MUC13: variants seen among roughly 807,000 people sequenced by gnomAD.
MUC13 encodes mucin-13.
A neutral mutation model predicts 48.3 loss-of-function variants in MUC13; 32 were observed. That is an observed-to-expected ratio of 0.66 (90% CI 0.50 to 0.89). The LOEUF (loss-of-function observed/expected upper bound fraction) is 0.89. MUC13 is among the 40% of genes least tolerant of loss of function. The probability of loss-of-function intolerance (pLI) is 0.00; values close to 1 mark genes in which losing one functional copy is unlikely to be tolerated. For synonymous variants in MUC13, 199 were observed against 224.9 expected, an observed-to-expected ratio of 0.88 and a Z score of 1.03; for missense variants, 571 against 622.8, an observed-to-expected ratio of 0.92 and a Z score of 0.88.
intron 6 of MUC13, 118 bp from the exon 7 acceptor site, chr3:124,913,799 A>T: frequency 9.0e-7 from 1 of 1,112,336 alleles, no homozygotes; most frequent in South Asian, 1.4e-5. Context: ...TTTTGGGGCC[A>T]AGTGCAGTGG....
At chr3:124,909,390 T>G (rs1935377914) in intron 10 of MUC13, among the ~76,000 whole-genome samples, 1 of 152,048 alleles carries the variant, frequency 6.6e-6, no homozygotes, top group South Asian at 2.1e-4. Context: ...ATCTAAATAT[T>G]TGTTGAATGA....
At chr3:124,923,447 T>C (rs575108778) in intron 3 of MUC13, 80 bp downstream of exon 3, 2 of 1,467,596 alleles carry the variant, frequency 1.4e-6, no homozygotes, top group South Asian at 2.6e-5. Context: ...GGAATCTCCT[T>C]TTGCCATCAT....
intron 5 of MUC13, among the ~76,000 whole-genome samples, chr3:124,918,478 G>T (rs1935542254): frequency 6.6e-6 from 1 of 152,162 alleles, no homozygotes; most frequent in Non-Finnish European, 1.5e-5. Flanking sequence ...ACACTGCAGG[G>T]TCCCATATTC....
At position 124,933,046 on chromosome 3, in the gene MUC13, C is replaced by G. The variant is rs576032788; in HGVS notation, c.52+1615G>C. On this transcript the variant is annotated intron_variant, in intron 1 of 11. Transcript: ENST00000616727. ...AAGCCTCACCAATTCTTCCTTTGTC[C>G]TGAAGGCTTGGACCTAGCATCTGCC... Among the ~76,000 whole-genome samples, 10 of 152,240 alleles carry G rather than the reference C, an allele frequency of 6.6e-5. No homozygotes were observed. The South Asian group carries it at 1.2e-3, about 19-fold the overall frequency.
intron 1 of MUC13, among the ~76,000 whole-genome samples, chr3:124,931,887 A>G: frequency 6.6e-6 from 1 of 152,132 alleles, no homozygotes; most frequent in Non-Finnish European, 1.5e-5. Context: ...TACTAAAAAT[A>G]CAAAAAAATT....
At position 124,928,141 on chromosome 3, in the gene MUC13, C is replaced by T. The variant is rs1304295905; in HGVS notation, c.53-148G>A. On this transcript the variant is annotated intron_variant, in intron 1 of 11. Transcript: ENST00000616727. ...AAGTTGCCTAGATTGGTCATAAACC[C>T]CTGGGCTCAAGCAGTCCACCCTCCT... 8.0e-6 allele frequency: 5 copies of T among 624,614 alleles called. No homozygotes were observed. The Admixed American group carries it at 1.8e-4, about 22-fold the overall frequency. The allele number at this position is 624,614 out of a possible 1,614,324, so 38.7% of individuals were successfully genotyped here.
chr3:124,912,591 C>T (rs1935441325), intron 8 of MUC13, among the ~76,000 whole-genome samples: 1 of 152,158 alleles, frequency 6.6e-6, no homozygotes, highest in Non-Finnish European at 1.5e-5. Flanking sequence ...GACAATGTTG[C>T]TGTGTGATAG....
rs1935852627 is a variant in MUC13, at chr3:124,934,681, G to A, written c.32C>T (p.Ala11Val). ...CTTACCTGTGTTTACAGAAAGGAGA[G>A]CAAGAAGAGTAAGATGAATGATGGC... MKAIIHLTLLALLSVNTATNQ... is the reference protein window; with the variant it reads MKAIIHLTLLVLLSVNTATNQ... Residue 11 changes from alanine (A) to valine (V), a missense_variant, in exon 1 of 12, where the codon GCT becomes GTT. Physicochemically the swap from Ala to Val is moderately conservative, Grantham distance 64 (BLOSUM62 0). Transcript: ENST00000616727. 3.1e-6 allele frequency: 5 copies of A among 1,609,826 alleles called. No individual in the cohort carries two copies. In the South Asian group the frequency reaches 3.3e-5, roughly 11 times the overall value.
At chr3:124,910,346 C>T in intron 10 of MUC13, 69 bp downstream of exon 10, 1 of 1,565,862 alleles carries the variant, frequency 6.4e-7, no homozygotes, top group Non-Finnish European at 8.6e-7. Context: ...CCAACATGGG[C>T]AACATAGTGA....
rs754774048 is a variant in MUC13 at position 124,910,513 on chromosome 3, G to A, written c.1253-14C>T. On this transcript the variant is annotated splice_polypyrimidine_tract_variant and intron_variant, in intron 9 of 11. Transcript: ENST00000616727. ...TCAGCTGAAATTCTGAAAGGAAGAA[G>A]AAAATAAGAACAGTCTCCAACAAGC... 1.5e-5 allele frequency: 24 copies of A among 1,613,724 alleles called. No homozygotes were observed. The highest frequency in any genetic ancestry group is 6.7e-5 in the Admixed American group (4 of 59,980).
At chr3:124,917,024 G>A (rs940608813) in intron 5 of MUC13, among the ~76,000 whole-genome samples, 2 of 152,008 alleles carry the variant, frequency 1.3e-5, no homozygotes, top group Non-Finnish European at 2.9e-5. Flanking sequence ...GGACACACAC[G>A]ACCCAGAGGA....
At chr3:124,913,794 G>A (rs764151389) in intron 6 of MUC13, 113 bp from the exon 7 acceptor site, 53 of 1,228,322 alleles carry the variant, frequency 4.3e-5, no homozygotes, top group Non-Finnish European at 6.2e-5. Context: ...ATAAGTTTTG[G>A]GGCCAAGTGC....
chr3:124,914,638 G>A (rs1344866189), intron 6 of MUC13, among the ~76,000 whole-genome samples: 1 of 152,142 alleles, frequency 6.6e-6, no homozygotes, highest in Admixed American at 6.6e-5. Context: ...ACAGGAAAGT[G>A]TTTTCCGGCC....
intron 5 of MUC13, 26 bp downstream of exon 5, chr3:124,920,208 T>C: frequency 6.3e-7 from 1 of 1,592,068 alleles, no homozygotes; most frequent in Non-Finnish European, 8.6e-7. Flanking sequence ...CACATCTGCC[T>C]CCAAAATTGT....
chr3:124,918,637 C>T (rs115371257), intron 5 of MUC13, among the ~76,000 whole-genome samples: 16 of 152,274 alleles, frequency 1.1e-4, no homozygotes, highest in African/African-American at 3.4e-4. Context: ...ACAAAGGTTC[C>T]GAGAGGTTAG....
intron 4 of MUC13, among the ~76,000 whole-genome samples, 157 bp from the exon 5 acceptor site, chr3:124,920,446 C>A (rs1935576343): frequency 6.6e-6 from 1 of 152,112 alleles, no homozygotes; most frequent in African/African-American, 2.4e-5. Context: ...AGGGTCTGAG[C>A]TGGGACTGCC....
chr3:124,923,740 T>A, intron 2 of MUC13, 91 bp from the exon 3 acceptor site: 1 of 916,264 alleles, frequency 1.1e-6, no homozygotes, highest in Non-Finnish European at 1.5e-6. Context: ...GCCTCCCCCC[T>A]GGGCCCTTTC....
intron 6 of MUC13, among the ~76,000 whole-genome samples, chr3:124,913,940 T>C (rs796325894): frequency 3.1e-4 from 47 of 152,278 alleles, no homozygotes; most frequent in African/African-American, 1.1e-3. Context: ...CAAGCTCCTG[T>C]AGTCCCAGCT....
Position 124,908,133 on chromosome 3 carries a change from G to T in MUC13, c.*14C>A. 6.2e-7 allele frequency: 1 copy of T among 1,613,680 alleles called. No homozygotes were observed. The highest frequency in any genetic ancestry group is 8.5e-7 in the Non-Finnish European group (1 of 1,179,784). On this transcript the variant is annotated intron_variant, in intron 11 of 11. Transcript: ENST00000616727. ...TTCACTCCCAAAAGCAGGAGAAAAA[G>T]CCCACTGACTCACCTAATAGTCAGG...
Sources: gnomAD v4.1 joint callset for allele counts (sites outside exome capture counted in the v4.1 genomes callset) on GRCh38, gnomAD v4.1.1 for gene constraint, MANE v1.5 for transcripts, NCBI Gene and HGNC (gene_info 2026-07-23, HGNC 2026-07-21) for gene names.